The following TTC1 variants were observed in gnomAD, a reference collection of about 807,000 sequenced individuals.
TTC1 encodes the protein tetratricopeptide repeat domain 1.
Under a neutral mutation model 37.6 loss-of-function variants are expected in TTC1, and 31 were observed. The ratio of observed to expected loss-of-function variants is 0.82; its 90% confidence interval spans 0.62 to 1.11. TTC1 has a LOEUF of 1.11. Ranked by LOEUF, TTC1 falls within the 50% of genes most tolerant of loss-of-function variation. The pLI is 0.00. For missense variants in TTC1, 351 were observed against 339.0 expected (o/e 1.04, Z -0.28); for synonymous variants, 127 against 122.4 (o/e 1.04, Z -0.25).
chr5:160,035,114 T>C (rs373541155), intron 2 of TTC1, 26 bp from the exon 3 acceptor site: 2 of 1,571,818 alleles, frequency 1.3e-6, no homozygotes, highest in African/African-American at 2.8e-5. Context: ...TTGTGAGAAA[T>C]TATGTAATTC....
intron 2 of TTC1, among the ~76,000 whole-genome samples, chr5:160,014,003 G>C (rs1756552821): frequency 6.6e-6 from 1 of 152,070 alleles, no homozygotes; most frequent in African/African-American, 2.4e-5. Flanking sequence ...GACTACATCA[G>C]GCTATTGAGC....
At chr5:160,048,000 A>G (rs1429506840) in intron 5 of TTC1, among the ~76,000 whole-genome samples, 2 of 152,130 alleles carry the variant, frequency 1.3e-5, no homozygotes, top group African/African-American at 4.8e-5. Context: ...GTTTCCCACT[A>G]TAGCCCAGAG....
chr5:160,017,305 TGAG>T (rs1376790765), intron 2 of TTC1, among the ~76,000 whole-genome samples: 1 of 152,188 alleles, frequency 6.6e-6, no homozygotes, highest in Non-Finnish European at 1.5e-5. Flanking sequence ...TTCTGGAGGC[TGAG>T]AAGTCCAAGA....
chr5:160,025,345 A>G (rs1266459868), intron 2 of TTC1, among the ~76,000 whole-genome samples: 1 of 152,086 alleles, frequency 6.6e-6, no homozygotes, highest in African/African-American at 2.4e-5. Context: ...GTTTTTTAGT[A>G]GAGACGGGGT....
intron 2 of TTC1, among the ~76,000 whole-genome samples, chr5:160,014,743 C>G (rs1454613575): frequency 6.6e-6 from 1 of 151,984 alleles, no homozygotes; most frequent in African/African-American, 2.4e-5. Flanking sequence ...TCACATGTGG[C>G]TAGTAAGTAC....
intron 2 of TTC1, among the ~76,000 whole-genome samples, chr5:160,029,472 C>G (rs1024425896): frequency 2.9e-5 from 4 of 138,994 alleles, no homozygotes; most frequent in Non-Finnish European, 6.1e-5. Context: ...TGAGACCCCC[C>G]CATCTCTACA....
At chr5:160,064,848 C>A in intron 7 of TTC1, 84 bp from the exon 8 acceptor site, 2 of 1,395,992 alleles carry the variant, frequency 1.4e-6, no homozygotes, top group East Asian at 2.3e-5. Context: ...ATATTTTGTA[C>A]TCAGTGGTAA....
intron 2 of TTC1, among the ~76,000 whole-genome samples, chr5:160,024,980 G>A (rs576755035): frequency 7.2e-5 from 11 of 152,228 alleles, no homozygotes; most frequent in African/African-American, 2.6e-4. Context: ...GGGACTGCAG[G>A]CATGAGCCAT....
At chr5:160,011,141 C>G (rs1241736654) in intron 2 of TTC1, among the ~76,000 whole-genome samples, 2 of 152,136 alleles carry the variant, frequency 1.3e-5, no homozygotes, top group African/African-American at 4.8e-5. Flanking sequence ...TGTTTATTTT[C>G]AAAATGTATA....
intron 7 of TTC1, among the ~76,000 whole-genome samples, chr5:160,055,493 A>G (rs558785023): frequency 6.6e-6 from 1 of 152,372 alleles, no homozygotes; most frequent in African/African-American, 2.4e-5. Context: ...GTTGCAAAGC[A>G]AGTTAACCTT....
chr5:160,044,084 T>C (rs542982840), intron 5 of TTC1, among the ~76,000 whole-genome samples: 17 of 152,222 alleles, frequency 1.1e-4, no homozygotes, highest in Non-Finnish European at 2.4e-4. Context: ...CGGCTTAGTC[T>C]CAGAAGTTTT....
chr5:160,049,020 T>C (rs9790970), intron 5 of TTC1, among the ~76,000 whole-genome samples: 103,214 of 152,012 alleles, frequency 0.68, 35,123 homozygotes, highest in East Asian at 0.74. Flanking sequence ...CTGGACTGGG[T>C]AAATGACAAG....
At chr5:160,059,909 C>T (rs1164407179) in intron 7 of TTC1, among the ~76,000 whole-genome samples, 1 of 152,152 alleles carries the variant, frequency 6.6e-6, no homozygotes, top group African/African-American at 2.4e-5. Flanking sequence ...CAAACTTGCT[C>T]AATGCAGGAT....
At chr5:160,037,523 C>T (rs2113370974) in intron 4 of TTC1, among the ~76,000 whole-genome samples, 1 of 152,246 alleles carries the variant, frequency 6.6e-6, no homozygotes, top group African/African-American at 2.4e-5. Context: ...CGAGACCAGC[C>T]TGGCCAACAT....
chr5:160,054,012 C>T (rs182226898), intron 7 of TTC1, among the ~76,000 whole-genome samples: 6 of 152,246 alleles, frequency 3.9e-5, no homozygotes, highest in African/African-American at 7.2e-5. Context: ...AGAAGATGAT[C>T]GTGATAGCAT....
At chr5:160,032,702 CTTTTTTTTTTTTTTTTTT>C (rs70987990) in intron 2 of TTC1, among the ~76,000 whole-genome samples, 1 of 74,684 alleles carries the variant, frequency 1.3e-5, no homozygotes. Context: ...TACCTGCTTT[CTTTTTTTTTTTTTTTTTT>C]TTTTTTTTTT....
At chr5:160,046,951 G>T (rs1263903161) in intron 5 of TTC1, among the ~76,000 whole-genome samples, 1 of 152,152 alleles carries the variant, frequency 6.6e-6, no homozygotes, top group East Asian at 1.9e-4. Context: ...GGTGGAGGTT[G>T]CAGTGAGCCG....
intron 2 of TTC1, among the ~76,000 whole-genome samples, chr5:160,034,858 G>A (rs1756974746): frequency 6.6e-6 from 1 of 152,200 alleles, no homozygotes; most frequent in Non-Finnish European, 1.5e-5. Context: ...AAGTGATACT[G>A]TAATTATCAT....
intron 7 of TTC1, among the ~76,000 whole-genome samples, chr5:160,054,974 C>T (rs923749283): frequency 6.6e-6 from 1 of 152,194 alleles, no homozygotes; most frequent in Non-Finnish European, 1.5e-5. Context: ...CTGCTCTGCC[C>T]TCAGGAGTCC....
Sources: allele counts gnomAD v4.1 joint callset (sites outside exome capture counted in the v4.1 genomes callset), GRCh38; gene constraint gnomAD v4.1.1; transcripts MANE v1.5; gene names NCBI Gene and HGNC (gene_info 2026-07-23, HGNC 2026-07-21).